VPS8: variants seen among roughly 807,000 people sequenced by gnomAD.
The protein encoded by VPS8 is vacuolar protein sorting-associated protein 8 homolog.
A neutral mutation model predicts 216.4 loss-of-function variants in VPS8; 129 were observed. The observed-to-expected ratio is 0.60, with a 90% CI of 0.52 to 0.69. VPS8 has a LOEUF of 0.69. Among genes scored for constraint, VPS8 ranks in the 30% least tolerant of loss-of-function variants. VPS8 has a pLI of 0.00. For synonymous variants in VPS8, 571 were observed against 565.4 expected, an observed-to-expected ratio of 1.01 and a Z score of -0.14; for missense variants, 1,531 against 1,683.5, an observed-to-expected ratio of 0.91 and a Z score of 1.59.
Position 184,879,342 on chromosome 3 carries a change from G to T in VPS8, c.1735-6768G>T, listed in dbSNP as rs73885610. 2.5e-3 allele frequency among the ~76,000 whole-genome samples: 374 copies of T among 152,244 alleles called. 1 individual carries two copies. Among genetic ancestry groups the T allele is most frequent in the African/African-American group, 8.6e-3 (356 of 41,534 alleles). On this transcript the variant is annotated intron_variant, in intron 21 of 47. Coordinates refer to ENST00000625842, the MANE Select transcript of VPS8 (RefSeq NM_001009921.3). Reference sequence around the variant, plus strand: ...CCCATACATTGAAGAAGAGATTAGAGAAATAGTTACTTGTTTTCTTTTTTT... The same window carrying T: ...CCCATACATTGAAGAAGAGATTAGATAAATAGTTACTTGTTTTCTTTTTTT...
intron 36 of VPS8, among the ~76,000 whole-genome samples, chr3:184,951,429 G>GATT (rs1214209545): frequency 1.6e-5 from 2 of 121,284 alleles, no homozygotes; most frequent in East Asian, 4.2e-4. Flanking sequence ...AGATTGCAGT[G>GATT]AGTTGAAATT....
At chr3:184,826,335 G>C in intron 3 of VPS8, 104 bp downstream of exon 3, 2 of 727,048 alleles carry the variant, frequency 2.8e-6, no homozygotes, top group Non-Finnish European at 4.4e-6. Context: ...TTTCCAGTAG[G>C]GTAGCCACTA....
At chr3:185,002,343 C>T (rs1052034237) in intron 45 of VPS8, among the ~76,000 whole-genome samples, 3 of 152,144 alleles carry the variant, frequency 2.0e-5, no homozygotes, top group African/African-American at 7.2e-5. Flanking sequence ...TGCCCTCTTC[C>T]TATGTTCCCC....
chr3:184,868,754 T>C (rs116369059), intron 18 of VPS8, among the ~76,000 whole-genome samples, 192 bp from the exon 19 acceptor site: 247 of 152,350 alleles, frequency 1.6e-3, no homozygotes, highest in African/African-American at 5.7e-3. Context: ...CTCTCTATAC[T>C]AGCATATATA....
At chr3:185,021,068 A>G (rs1447235734) in intron 45 of VPS8, among the ~76,000 whole-genome samples, 1 of 152,172 alleles carries the variant, frequency 6.6e-6, no homozygotes, top group African/African-American at 2.4e-5. Flanking sequence ...GCAAGACTCC[A>G]TCTCAAAAAA....
intron 36 of VPS8, among the ~76,000 whole-genome samples, chr3:184,949,047 T>G (rs904792858): frequency 1.3e-5 from 2 of 152,298 alleles, no homozygotes; most frequent in Middle Eastern, 3.4e-3. Context: ...GGCTCACACC[T>G]GTAACCTCAC....
intron 44 of VPS8, among the ~76,000 whole-genome samples, chr3:184,998,069 C>G (rs1752854269): frequency 6.6e-6 from 1 of 152,016 alleles, no homozygotes; most frequent in Non-Finnish European, 1.5e-5. Flanking sequence ...ACCTGAGCAG[C>G]CAAGGAAGGG....
intron 42 of VPS8, among the ~76,000 whole-genome samples, chr3:184,986,821 A>G (rs1425600168): frequency 6.6e-6 from 1 of 152,220 alleles, no homozygotes; most frequent in Non-Finnish European, 1.5e-5. Context: ...GAAAATACAG[A>G]GAATTCCCTT....
Position 184,994,210 on chromosome 3 carries a change from GT to G in VPS8, c.3666+152del. 3 of 557,636 alleles carry G rather than the reference GT, an allele frequency of 5.4e-6. No individual in the cohort carries two copies. In the South Asian group the frequency reaches 1.1e-4, roughly 20 times the overall value. The allele number at this position is 557,636 out of a possible 1,614,324, so 34.5% of individuals were successfully genotyped here. On this transcript the variant is annotated intron_variant, in intron 43 of 47. Coordinates refer to ENST00000625842, the MANE Select transcript of VPS8 (RefSeq NM_001009921.3). The stretch of plus-strand genomic sequence containing the variant: ...GGTGTATGTGTGTGTATTTCTTTTA[GT>G]TTTTCTCTCGCCAGGCATGGTAACT...
At chr3:184,947,451 A>G (rs981626633) in intron 36 of VPS8, among the ~76,000 whole-genome samples, 1 of 152,030 alleles carries the variant, frequency 6.6e-6, no homozygotes, top group Non-Finnish European at 1.5e-5. Flanking sequence ...ATTTGGGTAC[A>G]TTGTCCCATA....
intron 39 of VPS8, among the ~76,000 whole-genome samples, chr3:184,970,770 T>G (rs756586443): frequency 5.9e-5 from 9 of 152,166 alleles, no homozygotes; most frequent in Non-Finnish European, 1.2e-4. Flanking sequence ...AAGAGAACCC[T>G]AGTGACAGTA....
chr3:184,909,970 C>T (rs1736173901), intron 25 of VPS8, among the ~76,000 whole-genome samples: 1 of 151,944 alleles, frequency 6.6e-6, no homozygotes, highest in South Asian at 2.1e-4. Context: ...ATTGCAAACC[C>T]TCTCTCTTGT....
chr3:184,866,945 A>G lies in VPS8; in HGVS notation c.1465A>G (p.Thr489Ala), dbSNP rs1344517361. The G allele has an allele frequency of 1.2e-6, 2 of 1,612,946 alleles. No homozygotes were observed. Among genetic ancestry groups the G allele is most frequent in the African/African-American group, 2.7e-5 (2 of 74,974 alleles). ...SYGGQIFYLG[T>A]KSVYVMMLRS... The stretch of plus-strand genomic sequence containing the variant: ...TGGTGGTCAGATCTTTTATTTGGGG[A>G]CAAAAGTAAGCTCTTTTACTCTGTG... The change falls in exon 17 of 48, where the codon ACA becomes GCA. Residue 489 changes from threonine (T) to alanine (A), a missense_variant. Thr to Ala is a moderately conservative substitution (Grantham distance 58). Transcript: ENST00000625842.
At chr3:185,033,741 A>G (rs994732367) in intron 46 of VPS8, among the ~76,000 whole-genome samples, 3 of 152,216 alleles carry the variant, frequency 2.0e-5, no homozygotes, top group East Asian at 3.8e-4. Flanking sequence ...CCCAGCAGCA[A>G]TGAATGAGAG....
At chr3:184,824,103 G>A (rs73888184) in intron 1 of VPS8, 3,567 of 153,358 alleles carry the variant, frequency 0.023, 128 homozygotes, top group African/African-American at 0.081. Context: ...CTGTGGCCCT[G>A]TGCAGAGGCC....
At chr3:185,008,353 G>A (rs1384256656) in intron 45 of VPS8, among the ~76,000 whole-genome samples, 1 of 152,062 alleles carries the variant, frequency 6.6e-6, no homozygotes, top group African/African-American at 2.4e-5. Flanking sequence ...CCTGCATTGA[G>A]CCAAACACTA....
intron 46 of VPS8, among the ~76,000 whole-genome samples, chr3:185,025,689 G>A (rs1757247743): frequency 6.6e-6 from 1 of 152,192 alleles, no homozygotes; most frequent in Admixed American, 6.5e-5. Flanking sequence ...GGGGGAGCCT[G>A]TCATTTTAGT....
chr3:184,856,800 T>G (rs1725343009), intron 14 of VPS8, among the ~76,000 whole-genome samples: 2 of 152,294 alleles, frequency 1.3e-5, no homozygotes, highest in Middle Eastern at 3.4e-3. Context: ...TTCTGTTGTC[T>G]CTGAGCTCAT....
At chr3:184,954,453 A>T (rs996424594) in intron 36 of VPS8, among the ~76,000 whole-genome samples, 5 of 152,198 alleles carry the variant, frequency 3.3e-5, no homozygotes, top group African/African-American at 1.2e-4. Flanking sequence ...CTGACAACCA[A>T]CCAGCCCTTA....
Sources: allele counts gnomAD v4.1 joint callset (sites outside exome capture counted in the v4.1 genomes callset), GRCh38; gene constraint gnomAD v4.1.1; transcripts MANE v1.5; gene names NCBI Gene and HGNC (gene_info 2026-07-23, HGNC 2026-07-21).